The following RAD54L2 variants were observed in gnomAD, a reference collection of about 807,000 sequenced individuals.
RAD54L2 encodes the protein helicase ARIP4.
A neutral mutation model predicts 138.4 loss-of-function variants in RAD54L2; 27 were observed. The observed-to-expected ratio is 0.20, with a 90% confidence interval of 0.14 to 0.27. RAD54L2 has a LOEUF of 0.27. Among genes scored for constraint, RAD54L2 ranks in the 10% least tolerant of loss-of-function variants. The pLI is 1.00. For missense variants in RAD54L2, 1,396 were observed against 1,890.2 expected (o/e 0.74, Z 4.85); for synonymous variants, 644 against 723.2 (o/e 0.89, Z 1.76).
At chr3:51,621,802 A>C (rs988362063) in intron 3 of RAD54L2, among the ~76,000 whole-genome samples, 9 of 152,192 alleles carry the variant, frequency 5.9e-5, no homozygotes, top group Non-Finnish European at 1.3e-4. Context: ...CCAGCAAAAC[A>C]CTAAGTTGAA....
intron 2 of RAD54L2, among the ~76,000 whole-genome samples, chr3:51,575,313 A>G (rs1423429324): frequency 6.6e-6 from 1 of 152,052 alleles, no homozygotes; most frequent in Non-Finnish European, 1.5e-5. Flanking sequence ...TTTGCTTAGG[A>G]TTGTCTTGGC....
Position 51,635,679 on chromosome 3 carries a change from T to A in RAD54L2, c.1229T>A (p.Leu410His). 1 of 1,613,896 alleles carries A rather than the reference T, an allele frequency of 6.2e-7. No individual in the cohort carries two copies. The highest frequency in any genetic ancestry group is 8.5e-7 in the Non-Finnish European group (1 of 1,179,868). Residue 410 changes from leucine (L) to histidine (H), a missense_variant, in exon 10 of 23, where the codon CTC (leucine) becomes CAC (histidine). By Grantham distance (99) the Leu-to-His change is moderately conservative (BLOSUM62 -3). Transcript: ENST00000684192. ...ATGGGGTACGAGATGTACAGACTCC[T>A]CACTCTGAAGAAATCATTTGCCACA... ...LLMGYEMYRLLTLKKSFATGR... is the reference protein window; with the variant it reads ...LLMGYEMYRLHTLKKSFATGR...
chr3:51,651,388 A>C (rs1363045757), intron 19 of RAD54L2, among the ~76,000 whole-genome samples: 1 of 152,232 alleles, frequency 6.6e-6, no homozygotes, highest in Non-Finnish European at 1.5e-5. Flanking sequence ...TCCTTCTGAA[A>C]CTATGCCAAT....
At chr3:51,653,595 G>A (rs993653212) in intron 19 of RAD54L2, among the ~76,000 whole-genome samples, 1 of 152,172 alleles carries the variant, frequency 6.6e-6, no homozygotes, top group African/African-American at 2.4e-5. Flanking sequence ...GGAATACTAT[G>A]CAGCCATAAA....
chr3:51,591,560 T>C (rs1699841809), intron 3 of RAD54L2, among the ~76,000 whole-genome samples: 1 of 152,238 alleles, frequency 6.6e-6, no homozygotes, highest in Admixed American at 6.5e-5. Context: ...TCCTTTATAC[T>C]GTCCAGAAGC....
At chr3:51,570,166 G>A (rs1273158896) in intron 2 of RAD54L2, among the ~76,000 whole-genome samples, 2 of 111,038 alleles carry the variant, frequency 1.8e-5, no homozygotes, top group Admixed American at 2.2e-4. Context: ...TTTTTTTTGA[G>A]ACAGAGTCTC....
chr3:51,634,307 T>C (rs1700922797), intron 9 of RAD54L2, among the ~76,000 whole-genome samples: 1 of 151,850 alleles, frequency 6.6e-6, no homozygotes, highest in Admixed American at 6.6e-5. Flanking sequence ...TATTTTCCCA[T>C]GCATATCGTA....
chr3:51,552,072 A>G (rs1475427335), intron 2 of RAD54L2, among the ~76,000 whole-genome samples: 1 of 151,946 alleles, frequency 6.6e-6, no homozygotes, highest in African/African-American at 2.4e-5. Flanking sequence ...CTGTAAGTAT[A>G]AGTATTTCTA....
intron 2 of RAD54L2, among the ~76,000 whole-genome samples, chr3:51,556,225 T>C (rs1698960519): frequency 6.6e-6 from 1 of 152,170 alleles, no homozygotes; most frequent in South Asian, 2.1e-4. Context: ...GTTTATTTTT[T>C]ATCATCCTCT....
Position 51,645,453 on chromosome 3 carries a change from C to T in RAD54L2, c.2657-138C>T, listed in dbSNP as rs955427955. 7 of 1,027,604 alleles carry T rather than the reference C, an allele frequency of 6.8e-6. No homozygotes were observed. Among genetic ancestry groups the T allele is most frequent in the Admixed American group, 5.7e-5 (2 of 35,344 alleles). 63.7% of individuals were successfully genotyped at this position (1,027,604 alleles called of 1,614,324 possible). On this transcript the variant is annotated intron_variant, in intron 17 of 22. Coordinates refer to ENST00000684192, the MANE Select transcript of RAD54L2 (RefSeq NM_015106.4). This position sits in a 1 kb window ranked among gnomAD's most constrained non-coding sequence, Gnocchi z 6.1. ...CCAAGCTCGTTATACAAGTTTTCCCCTTATATGATGTTTCCAGTGTCACCA... is the reference window on the plus strand; with the variant it reads ...CCAAGCTCGTTATACAAGTTTTCCCTTTATATGATGTTTCCAGTGTCACCA...
chr3:51,588,047 G>A (rs551107921), intron 2 of RAD54L2, among the ~76,000 whole-genome samples: 3 of 151,582 alleles, frequency 2.0e-5, no homozygotes, highest in African/African-American at 7.3e-5. Flanking sequence ...TTAGCCGGGC[G>A]TGGTGGCAGG....
chr3:51,617,942 A>G (rs1559638486), intron 3 of RAD54L2, among the ~76,000 whole-genome samples: 1 of 152,036 alleles, frequency 6.6e-6, no homozygotes, highest in Non-Finnish European at 1.5e-5. Flanking sequence ...TATTTAATAC[A>G]TACATGTTTC....
intron 2 of RAD54L2, among the ~76,000 whole-genome samples, chr3:51,585,448 C>T (rs1699689407): frequency 6.6e-6 from 1 of 152,162 alleles, no homozygotes; most frequent in Non-Finnish European, 1.5e-5. Context: ...TGGTCGTCTG[C>T]TTTGTGAACA....
intron 3 of RAD54L2, among the ~76,000 whole-genome samples, chr3:51,595,796 T>A (rs1699945671): frequency 6.6e-6 from 1 of 152,158 alleles, no homozygotes; most frequent in Non-Finnish European, 1.5e-5. Flanking sequence ...GCTTTCTCTG[T>A]TCTTTCAGAA....
At chr3:51,655,367 CTT>C (rs1701572668) in intron 19 of RAD54L2, among the ~76,000 whole-genome samples, 1 of 152,040 alleles carries the variant, frequency 6.6e-6, no homozygotes, top group Non-Finnish European at 1.5e-5. Flanking sequence ...TGGAGGGGCA[CTT>C]TGAGGGTTGT....
intron 2 of RAD54L2, among the ~76,000 whole-genome samples, chr3:51,543,939 T>A (rs1553671770): frequency 6.6e-6 from 1 of 152,240 alleles, no homozygotes; most frequent in East Asian, 1.9e-4. Flanking sequence ...TTAAGCAGAA[T>A]GCCTCTCTTC....
chr3:51,634,125 C>G (rs540869048), intron 9 of RAD54L2, 90 bp downstream of exon 9: 24 of 1,447,914 alleles, frequency 1.7e-5, no homozygotes, highest in Non-Finnish European at 2.0e-5. Flanking sequence ...AGTGTGTAGC[C>G]TGTGCATCTA....
At position 51,638,119 on chromosome 3, in the gene RAD54L2, G is replaced by A. The variant is rs1269043676; in HGVS notation, c.1683-25G>A. On this transcript the variant is annotated intron_variant, in intron 11 of 22. Transcript: ENST00000684192. This position sits in a 1 kb window ranked among gnomAD's most constrained non-coding sequence, Gnocchi z 4.3. ...CCCCTCCTGGCCACACTACCTTGCC[G>A]TTTCTGTTCTGTTTGCCTCCATAGG... The A allele has an allele frequency of 3.1e-6, 5 of 1,611,264 alleles. No individual in the cohort carries two copies. The highest frequency in any genetic ancestry group is 1.7e-4 in the Middle Eastern group (1 of 6,052).
intron 4 of RAD54L2, among the ~76,000 whole-genome samples, chr3:51,628,539 G>A (rs189668179): frequency 2.6e-4 from 40 of 151,750 alleles, no homozygotes; most frequent in Middle Eastern, 3.4e-3. Context: ...ATAGGTGCCC[G>A]CCACCACACC....
Sources: allele counts gnomAD v4.1 joint callset (sites outside exome capture counted in the v4.1 genomes callset), GRCh38; gene constraint gnomAD v4.1.1; non-coding constraint Gnocchi (gnomAD v3.1); transcripts MANE v1.5; gene names NCBI Gene and HGNC (gene_info 2026-07-23, HGNC 2026-07-21).